The following AHNAK variants were observed in gnomAD, a reference collection of about 807,000 sequenced individuals.
The protein encoded by AHNAK is neuroblast differentiation-associated protein AHNAK.
A neutral mutation model predicts 37.8 loss-of-function variants in AHNAK; 23 were observed. That is an observed-to-expected ratio of 0.61 (90% confidence interval 0.44 to 0.86). The LOEUF is 0.86. Among genes scored for constraint, AHNAK ranks in the 40% least tolerant of loss-of-function variants. The pLI, the probability that AHNAK is intolerant of heterozygous loss-of-function variation, is 0.00. For synonymous variants in AHNAK, 2,481 were observed against 2,636.3 expected, an observed-to-expected ratio of 0.94 and a Z score of 1.80; for missense variants, 7,411 against 7,319.4, an observed-to-expected ratio of 1.01 and a Z score of -0.46.
chr11:62,524,088 G>A lies in AHNAK; in HGVS notation c.10329C>T (p.Asp3443=). The A allele has an allele frequency of 6.2e-7, 1 of 1,613,992 alleles. No homozygotes were observed. Among genetic ancestry groups the A allele is most frequent in the Non-Finnish European group, 8.5e-7 (1 of 1,179,994 alleles). Residue 3443 remains aspartate (D), a synonymous_variant, in exon 5 of 5, where the codon GAC becomes GAT. Coordinates refer to ENST00000378024, the MANE Select transcript of AHNAK (RefSeq NM_001620.3). ...TAATATCCACTTTGGGGCCTTTAAA[G>A]TCACCTTCTAAATTGGGACCTGCAA... The part of the protein sequence containing the change: ...LDIAGPNLEG[D]FKGPKVDIKA...
chr11:62,481,779 G>T, intron 5 of AHNAK, among the ~76,000 whole-genome samples: 1 of 151,470 alleles, frequency 6.6e-6, no homozygotes, highest in South Asian at 2.1e-4. Flanking sequence ...GGGTTTCACC[G>T]TGGTCTCGAT....
chr11:62,470,576 A>G (rs937105275), intron 5 of AHNAK, among the ~76,000 whole-genome samples: 6 of 152,306 alleles, frequency 3.9e-5, no homozygotes, highest in Non-Finnish European at 8.8e-5. Context: ...ACTGCACTCC[A>G]GCCTGGGCGA....
At position 62,521,945 on chromosome 11, in the gene AHNAK, G is replaced by A; in HGVS notation, c.12472C>T (p.Leu4158Phe). 1 of 1,613,014 alleles carries A rather than the reference G, an allele frequency of 6.2e-7. No individual in the cohort carries two copies. Among genetic ancestry groups the A allele is most frequent in the Non-Finnish European group, 8.5e-7 (1 of 1,179,802 alleles). The part of the protein sequence containing the change: ...DVSLPKVEGD[L>F]KGPEVDIKGP... ...TTGATGTCAACTTCAGGGCCCTTGA[G>A]GTCGCCTTCCACTTTGGGCAGAGAA... is the stretch of plus-strand genomic sequence containing the variant. The change falls in exon 5 of 5, where the codon CTC (leucine) becomes TTC (phenylalanine). Residue 4158 changes from leucine (L) to phenylalanine (F), a missense_variant. Physicochemically the swap from Leu to Phe is conservative, Grantham distance 22 (BLOSUM62 0). Transcript: ENST00000378024.
chr11:62,529,668 A>G lies in AHNAK; in HGVS notation c.4749T>C (p.Asp1583=). ...NIQTHKISMP[D]VGLNLKAPKL... Reference sequence around the variant, plus strand: ...TAGGGGCTTTCAAATTAAGTCCAACATCAGGCATAGAGATTTTGTGCGTCT... The same window carrying G: ...TAGGGGCTTTCAAATTAAGTCCAACGTCAGGCATAGAGATTTTGTGCGTCT... The change falls in exon 5 of 5, where the codon GAT becomes GAC. Residue 1583 remains aspartate (D), a synonymous_variant. Coordinates refer to ENST00000378024, the MANE Select transcript of AHNAK (RefSeq NM_001620.3). 1 of 1,614,164 alleles carries G rather than the reference A, an allele frequency of 6.2e-7. No individual in the cohort carries two copies. The highest frequency in any genetic ancestry group is 8.5e-7 in the Non-Finnish European group (1 of 1,180,036).
chr11:62,463,692 T>C (rs967687091), intron 5 of AHNAK, among the ~76,000 whole-genome samples: 2 of 152,108 alleles, frequency 1.3e-5, no homozygotes, highest in African/African-American at 4.8e-5. Flanking sequence ...GGTATGGAAC[T>C]TGCTGGGTTT....
intron 5 of AHNAK, among the ~76,000 whole-genome samples, chr11:62,435,885 T>G (rs749760035): frequency 6.6e-6 from 1 of 152,238 alleles, no homozygotes; most frequent in Non-Finnish European, 1.5e-5. Context: ...ACACTTGCTA[T>G]GAACCTGTCG....
In AHNAK at chr11:62,457,966, C is replaced by T. The variant is rs887821611; in HGVS notation, c.443-24075G>A. Among the ~76,000 whole-genome samples, 34 of 143,398 alleles carry T rather than the reference C, an allele frequency of 2.4e-4. No individual in the cohort carries two copies. In the South Asian group the frequency reaches 5.9e-3, roughly 25 times the overall value. 94.1% of individuals were successfully genotyped at this position (143,398 alleles called of 152,430 possible). On this transcript the variant is annotated intron_variant, in intron 5 of 5. Transcript: ENST00000257247. ...CTTACTCTTGTTGCGCAGGCTGGAG[C>T]GCAGTGGCGCGATCTCAGCTCACTG...
intron 5 of AHNAK, among the ~76,000 whole-genome samples, chr11:62,461,717 C>T (rs974116310): frequency 2.0e-5 from 3 of 150,792 alleles, no homozygotes; most frequent in Non-Finnish European, 4.4e-5. Context: ...CCCAGCTACT[C>T]GGGAGGCTGA....
chr11:62,513,902 G>A (rs1472372114), downstream of AHNAK, among the ~76,000 whole-genome samples: 2 of 152,086 alleles, frequency 1.3e-5, no homozygotes, highest in Admixed American at 6.5e-5. Flanking sequence ...TGATTTCCAC[G>A]GGTTTATTGC....
intron 5 of AHNAK, among the ~76,000 whole-genome samples, chr11:62,459,661 C>T (rs915651054): frequency 2.0e-5 from 3 of 152,142 alleles, no homozygotes; most frequent in East Asian, 1.9e-4. Flanking sequence ...GAGAAGGAGG[C>T]CAGATGCGTA....
Position 62,519,210 on chromosome 11 carries a change from A to G in AHNAK, c.15207T>C (p.Ala5069=). 1 of 1,613,178 alleles carries G rather than the reference A, an allele frequency of 6.2e-7. No individual in the cohort carries two copies. The highest frequency in any genetic ancestry group is 8.5e-7 in the Non-Finnish European group (1 of 1,179,674). Residue 5069 remains alanine, a synonymous_variant, in exon 5 of 5, where the codon GCT becomes GCC. Transcript: ENST00000378024. ...DVDVNIAGPD[A]ALKVDVKSPK... is the part of the protein sequence containing the mutation. Reference sequence around the variant, plus strand: ...GCGATTTCACGTCGACTTTGAGTGCAGCATCCGGCCCTGCGATGTTGACAT... The same window carrying G: ...GCGATTTCACGTCGACTTTGAGTGCGGCATCCGGCCCTGCGATGTTGACAT...
In AHNAK at chr11:62,516,698, G is replaced by C. The variant is rs1286185233; in HGVS notation, c.*46C>G. The C allele has an allele frequency of 6.5e-7, 1 of 1,536,244 alleles. No homozygotes were observed. The highest frequency in any genetic ancestry group is 8.7e-7 in the Non-Finnish European group (1 of 1,147,032). On this transcript the variant is annotated 3_prime_UTR_variant, in exon 5 of 5. Transcript: ENST00000378024. ...ATATAGGAACACACCACCCAAGGCT[G>C]ATGTTTTGTTATATATATATATATG...
intron 5 of AHNAK, among the ~76,000 whole-genome samples, chr11:62,476,405 T>C (rs1033402613): frequency 4.6e-5 from 7 of 152,160 alleles, no homozygotes; most frequent in African/African-American, 1.7e-4. Flanking sequence ...AAAAAAGTTT[T>C]GCAAAGGAGA....
chr11:62,465,781 T>C (rs1938899296), intron 5 of AHNAK, among the ~76,000 whole-genome samples: 1 of 151,874 alleles, frequency 6.6e-6, no homozygotes, highest in East Asian at 1.9e-4. Flanking sequence ...GAAATTGGAG[T>C]TATGCTGCTC....
chr11:62,525,036 A>C lies in AHNAK; in HGVS notation c.9381T>G (p.Ile3127Met). 4 of 1,611,862 alleles carry C rather than the reference A, an allele frequency of 2.5e-6. No individual in the cohort carries two copies. The highest frequency in any genetic ancestry group is 3.4e-6 in the Non-Finnish European group (4 of 1,179,374). The change falls in exon 5 of 5, where the codon ATT becomes ATG. Residue 3127 changes from isoleucine to methionine, a missense_variant. Coordinates refer to ENST00000378024, the MANE Select transcript of AHNAK (RefSeq NM_001620.3). ...EGDMKVPDVD[I>M]KGPKVDINAP... is the part of the protein sequence containing the mutation. ...CATTAATATCCACTTTGGGGCCTTT[A>C]ATATCCACGTCAGGAACTTTCATGT... is the stretch of plus-strand genomic sequence containing the variant.
In AHNAK at chr11:62,520,294, T is replaced by G; in HGVS notation, c.14123A>C (p.Lys4708Thr). ...EGPDAKLKGP[K>T]FKMPEMSIKA... ...GATGCTCATCTCAGGCATCTTGAAC[T>G]TGGGGCCCTTTAGTTTCGCATCTGG... Residue 4708 changes from lysine to threonine, a missense_variant, in exon 5 of 5, where the codon AAG (lysine) becomes ACG (threonine). Physicochemically the swap from Lys to Thr is moderately conservative, Grantham distance 78. Transcript: ENST00000378024. The G allele has an allele frequency of 6.2e-7, 1 of 1,613,530 alleles. No homozygotes were observed. The highest frequency in any genetic ancestry group is 8.5e-7 in the Non-Finnish European group (1 of 1,179,934).
rs1940658242 is a variant in AHNAK at position 62,529,808 on chromosome 11, C to T, written c.4609G>A (p.Ala1537Thr). Residue 1537 changes from alanine (A) to threonine (T), a missense_variant, in exon 5 of 5, where the codon GCT becomes ACT. Transcript: ENST00000378024. ...TTGGGTCCTGAAACACCAAGGTCAG[C>T]CTTGGGCAGGTTCATATCCACCTCT... is the stretch of plus-strand genomic sequence containing the variant. ...GPEVDMNLPK[A>T]DLGVSGPKVD... is the part of the protein sequence containing the mutation. The T allele has an allele frequency of 1.2e-6, 2 of 1,614,144 alleles. No homozygotes were observed. Among genetic ancestry groups the T allele is most frequent in the East Asian group, 2.2e-5 (1 of 44,864 alleles).
At position 62,521,305 on chromosome 11, in the gene AHNAK, G is replaced by C. The variant is rs1420588880; in HGVS notation, c.13112C>G (p.Pro4371Arg). The C allele has an allele frequency of 7.4e-6, 12 of 1,613,476 alleles. No homozygotes were observed. The highest frequency in any genetic ancestry group is 1.0e-5 in the Non-Finnish European group (12 of 1,179,916). ...IEGPDAKLKGPKFKMPEMNIK... is the reference protein window; with the variant it reads ...IEGPDAKLKGRKFKMPEMNIK... Reference sequence around the variant, plus strand: ...GTTCATCTCTGGCATCTTGAACTTTGGACCCTTGAGTTTTGCATCTGGACC... The same window carrying C: ...GTTCATCTCTGGCATCTTGAACTTTCGACCCTTGAGTTTTGCATCTGGACC... Residue 4371 changes from proline to arginine, a missense_variant, in exon 5 of 5, where the codon CCA becomes CGA. Transcript: ENST00000378024.
chr11:62,529,534 T>C lies in AHNAK; in HGVS notation c.4883A>G (p.Asp1628Gly). The change falls in exon 5 of 5, where the codon GAT becomes GGT. Residue 1628 changes from aspartate to glycine, a missense_variant. By Grantham distance (94) the Asp-to-Gly change is moderately conservative. Transcript: ENST00000378024. ...PKMDVNVGDI[D>G]IEGPEGKLKG... Reference sequence around the variant, plus strand: ...CAACTTCCCTTCTGGACCTTCAATATCAATATCACCAACATTCACATCCAT... The same window carrying C: ...CAACTTCCCTTCTGGACCTTCAATACCAATATCACCAACATTCACATCCAT... The C allele has an allele frequency of 6.2e-7, 1 of 1,614,128 alleles. No individual in the cohort carries two copies. The highest frequency in any genetic ancestry group is 1.6e-4 in the Middle Eastern group (1 of 6,062).
Sources: gnomAD v4.1 joint callset for allele counts (sites outside exome capture counted in the v4.1 genomes callset) on GRCh38, gnomAD v4.1.1 for gene constraint, MANE v1.5 for transcripts, NCBI Gene and HGNC (gene_info 2026-07-23, HGNC 2026-07-21) for gene names.